Variants in CACNA1S observed in about 807,000 individuals in gnomAD.
CACNA1S encodes voltage-dependent L-type calcium channel subunit alpha-1S.
In CACNA1S, 126 loss-of-function variants were observed where a neutral mutation model predicts 207.4. The ratio of observed to expected loss-of-function variants is 0.61; its 90% CI spans 0.53 to 0.70. The LOEUF is 0.70. CACNA1S is among the 30% of genes least tolerant of loss of function. The probability of loss-of-function intolerance (pLI) is 0.00; values close to 1 mark genes in which losing one functional copy is unlikely to be tolerated. For synonymous variants in CACNA1S, 960 were observed against 932.7 expected (o/e 1.03, Z -0.53); for missense variants, 2,349 against 2,422.8 (o/e 0.97, Z 0.64).
chr1:201,061,379 T>C lies in CACNA1S; in HGVS notation c.3143A>G (p.Tyr1048Cys), dbSNP rs745571736. The change falls in exon 25 of 44, where the codon TAC becomes TGC. Residue 1048 changes from tyrosine to cysteine, a missense_variant. Transcript: ENST00000362061. Reference sequence around the variant, plus strand: ...CATGAAGAAGGCAATGAGGATGATGTAGATGATGAAGAAGATGGCCATCTC... The same window carrying C: ...CATGAAGAAGGCAATGAGGATGATGCAGATGATGAAGAAGATGGCCATCTC... ...RVEMAIFFII[Y>C]IILIAFFMMN... 18 of 1,614,058 alleles carry C rather than the reference T, an allele frequency of 1.1e-5. No homozygotes were observed. In the African/African-American group the frequency reaches 2.0e-4, roughly 18 times the overall value.
intron 32 of CACNA1S, 119 bp downstream of exon 32, chr1:201,052,438 C>T: frequency 1.3e-6 from 1 of 774,560 alleles, no homozygotes; most frequent in South Asian, 1.5e-5. Context: ...GTATAGGACC[C>T]TGTGTGGCTG....
chr1:201,069,645 G>A, intron 17 of CACNA1S, 44 bp from the exon 18 acceptor site: 1 of 1,548,860 alleles, frequency 6.5e-7, no homozygotes, highest in Non-Finnish European at 8.7e-7. Context: ...GTGAGCTGCT[G>A]GAGGCTCAGG....
chr1:201,075,161 C>T (rs997774382), intron 13 of CACNA1S, among the ~76,000 whole-genome samples: 2 of 152,194 alleles, frequency 1.3e-5, no homozygotes, highest in Admixed American at 1.3e-4. Context: ...GCCTCTGAAC[C>T]TTTGGAGAAG....
At position 201,039,864 on chromosome 1, in the gene CACNA1S, G is replaced by A. The variant is rs1411219959; in HGVS notation, c.5589C>T (p.Gly1863=). The change falls in exon 44 of 44, where the codon GGC becomes GGT. Residue 1863 remains glycine, a synonymous_variant. Transcript: ENST00000362061. The part of the protein sequence containing the change: ...SSLGSLDQHQ[G]SQETLIPPRL ...TTGGAGGAATAAGGGTCTCCTGGGA[G>A]CCCTGGTGTTGGTCGAGGCTGCCCA... The A allele has an allele frequency of 6.2e-6, 10 of 1,609,642 alleles. No homozygotes were observed. Among genetic ancestry groups the A allele is most frequent in the Non-Finnish European group, 7.6e-6 (9 of 1,180,012 alleles).
chr1:201,043,004 A>G, intron 40 of CACNA1S: 1 of 429,912 alleles, frequency 2.3e-6, no homozygotes, highest in Non-Finnish European at 4.3e-6. Context: ...TGTGTTCAAT[A>G]CGTCTCAGCT....
chr1:201,053,219 A>T lies in CACNA1S; in HGVS notation c.3851T>A (p.Ile1284Asn). ...CCGCCTGCCTCTCACCTGCATGCCG[A>T]TGACAGCGTAGATGAAGAAGAGCAT... ...IVMLFFIYAV[I>N]GMQMFGKIAL... The change falls in exon 31 of 44, where the codon ATC becomes AAC. Residue 1284 changes from isoleucine (I) to asparagine (N), a missense_variant. Ile to Asn is a moderately radical substitution (Grantham distance 149). Transcript: ENST00000362061. The surrounding 1 kb of genome is among the most constrained non-coding windows in gnomAD (Gnocchi z 5.1). 6.2e-7 allele frequency: 1 copy of T among 1,614,214 alleles called. No homozygotes were observed. The highest frequency in any genetic ancestry group is 8.5e-7 in the Non-Finnish European group (1 of 1,180,038).
At chr1:201,091,313 A>G (rs1262985573) in intron 5 of CACNA1S, among the ~76,000 whole-genome samples, 1 of 152,236 alleles carries the variant, frequency 6.6e-6, no homozygotes, top group South Asian at 2.1e-4. Flanking sequence ...AAATGTACAC[A>G]TAGAAATTCA....
chr1:201,061,072 C>T (rs1661029505), intron 25 of CACNA1S, among the ~76,000 whole-genome samples, 195 bp downstream of exon 25: 2 of 152,204 alleles, frequency 1.3e-5, no homozygotes, highest in African/African-American at 4.8e-5. Context: ...TGAGGTTCCA[C>T]AAGAAGACCC....
chr1:201,110,317 A>G (rs746151952), intron 1 of CACNA1S, 48 bp from the exon 2 acceptor site: 23 of 1,535,338 alleles, frequency 1.5e-5, no homozygotes, highest in Non-Finnish European at 1.9e-5. Flanking sequence ...AGGGACTTAC[A>G]GGGTTAAGGG....
chr1:201,060,901 G>A, intron 25 of CACNA1S, 85 bp from the exon 26 acceptor site: 2 of 1,533,054 alleles, frequency 1.3e-6, no homozygotes, highest in South Asian at 1.1e-5. Flanking sequence ...TGACGGGCAA[G>A]TCAGGAGCAG....
At chr1:201,040,557 C>T (rs964011339) in intron 42 of CACNA1S, 65 bp downstream of exon 42, 47 of 1,511,508 alleles carry the variant, frequency 3.1e-5, no homozygotes, top group Non-Finnish European at 3.6e-5. Context: ...CATGATCCCA[C>T]TCCAAGTATC....
intron 2 of CACNA1S, among the ~76,000 whole-genome samples, chr1:201,094,427 A>G (rs773388314): frequency 1.8e-4 from 28 of 151,982 alleles, no homozygotes; most frequent in African/African-American, 4.1e-4. Flanking sequence ...TCCATGAAGC[A>G]TGGGGATTTT....
intron 26 of CACNA1S, among the ~76,000 whole-genome samples, chr1:201,059,654 C>T (rs1329430475): frequency 6.6e-6 from 1 of 152,192 alleles, no homozygotes; most frequent in Non-Finnish European, 1.5e-5. Context: ...CCAGGCAGGG[C>T]TCTGTAACAG....
intron 39 of CACNA1S, 50 bp from the exon 40 acceptor site, chr1:201,043,581 TG>T (rs772699395): frequency 2.1e-4 from 326 of 1,556,496 alleles, no homozygotes; most frequent in Non-Finnish European, 2.8e-4. Context: ...AGGGAGGGCA[TG>T]GGGGGCTGTC....
chr1:201,101,933 C>G (rs1662685047), intron 2 of CACNA1S, among the ~76,000 whole-genome samples: 2 of 152,220 alleles, frequency 1.3e-5, no homozygotes, highest in African/African-American at 4.8e-5. Context: ...ATCCCCCCTC[C>G]TCCATCAGCA....
intron 26 of CACNA1S, 109 bp downstream of exon 26, chr1:201,060,549 A>C: frequency 8.1e-7 from 1 of 1,232,680 alleles, no homozygotes; most frequent in Non-Finnish European, 1.2e-6. Context: ...CACAGTGCAC[A>C]AGAAATGTCT....
chr1:201,078,407 C>A (rs1407704430), intron 10 of CACNA1S, among the ~76,000 whole-genome samples: 1 of 151,622 alleles, frequency 6.6e-6, no homozygotes, highest in Non-Finnish European at 1.5e-5. Flanking sequence ...GTCATGTTGC[C>A]CAGGCTGGTC....
chr1:201,077,941 C>T lies in CACNA1S; in HGVS notation c.1557G>A (p.Met519Ile), dbSNP rs200066766. 7.4e-6 allele frequency: 12 copies of T among 1,614,176 alleles called. No individual in the cohort carries two copies. In the Admixed American group the frequency reaches 1.8e-4, roughly 25 times the overall value. ...LEILLVESGA[M>I]TPLGISVLRC... ...GGAGCACGGAGATGCCCAGGGGTGT[C>T]ATGGCACCCGACTCCACCAGCAGGA... The change falls in exon 11 of 44, where the codon ATG becomes ATA. Residue 519 changes from methionine (M) to isoleucine (I), a missense_variant. By Grantham distance (10) the Met-to-Ile change is conservative. Transcript: ENST00000362061.
At chr1:201,107,323 CT>C (rs1271052381) in intron 2 of CACNA1S, among the ~76,000 whole-genome samples, 1 of 152,230 alleles carries the variant, frequency 6.6e-6, no homozygotes, top group Admixed American at 6.5e-5. Context: ...ACATCCCATA[CT>C]TGGGGAAGCC....
Sources: allele counts gnomAD v4.1 joint callset (sites outside exome capture counted in the v4.1 genomes callset), GRCh38; gene constraint gnomAD v4.1.1; non-coding constraint Gnocchi (gnomAD v3.1); transcripts MANE v1.5; gene names NCBI Gene and HGNC (gene_info 2026-07-23, HGNC 2026-07-21).